The following TTC12 variants were observed in gnomAD, a reference collection of about 807,000 sequenced individuals.
TTC12 encodes tetratricopeptide repeat domain 12, also known as tetratricopeptide repeat protein 12.
Under a neutral mutation model 90.1 loss-of-function variants are expected in TTC12, and 70 were observed. That is an observed-to-expected ratio of 0.78 (90% CI 0.64 to 0.95). The LOEUF (loss-of-function observed/expected upper bound fraction) is 0.95, where lower values mean the gene tolerates loss of function less well. Ranked by LOEUF, TTC12 falls within the 40% of genes least tolerant of loss-of-function variation. The probability of loss-of-function intolerance (pLI) is 0.00; values close to 1 mark genes in which losing one functional copy is unlikely to be tolerated. For missense variants in TTC12, 819 were observed against 846.1 expected, an observed-to-expected ratio of 0.97 and a Z score of 0.40; for synonymous variants, 296 against 311.5, an observed-to-expected ratio of 0.95 and a Z score of 0.53.
intron 8 of TTC12, 86 bp downstream of exon 8, chr11:113,335,123 G>C: frequency 5.1e-6 from 5 of 983,208 alleles, no homozygotes; most frequent in Non-Finnish European, 8.1e-6. Flanking sequence ...GATTCTCCAA[G>C]CTGATTAGGT....
chr11:113,345,691 G>T (rs1948912471), intron 13 of TTC12, among the ~76,000 whole-genome samples: 1 of 152,222 alleles, frequency 6.6e-6, no homozygotes, highest in Admixed American at 6.5e-5. Flanking sequence ...GATGCAGATT[G>T]TTAGTGGAGT....
chr11:113,336,373 G>GT (rs1350713402), intron 8 of TTC12, among the ~76,000 whole-genome samples: 3 of 152,116 alleles, frequency 2.0e-5, no homozygotes, highest in African/African-American at 7.2e-5. Context: ...GCACAAAAAT[G>GT]TTTAAGTTTG....
chr11:113,358,825 G>T (rs1317154148), intron 16 of TTC12, among the ~76,000 whole-genome samples: 1 of 152,124 alleles, frequency 6.6e-6, no homozygotes, highest in Non-Finnish European at 1.5e-5. Context: ...GTTGCTCTTT[G>T]CCAGTTCAAC....
chr11:113,357,444 A>G (rs531471893), intron 16 of TTC12, among the ~76,000 whole-genome samples: 2 of 152,052 alleles, frequency 1.3e-5, no homozygotes, highest in African/African-American at 2.4e-5. Context: ...CAGCCATGTC[A>G]GCCTGGTTTA....
intron 16 of TTC12, among the ~76,000 whole-genome samples, chr11:113,357,112 T>C (rs1375205129): frequency 6.6e-6 from 1 of 152,232 alleles, no homozygotes; most frequent in Non-Finnish European, 1.5e-5. Flanking sequence ...CTCAGAGGTT[T>C]TTCTCATTCC....
At chr11:113,320,329 C>T (rs543531403) in intron 2 of TTC12, among the ~76,000 whole-genome samples, 1 of 152,240 alleles carries the variant, frequency 6.6e-6, no homozygotes, top group Admixed American at 6.5e-5. Context: ...CTCTGAACCC[C>T]AGGCTCCAGA....
chr11:113,324,230 A>T (rs1016860375), intron 4 of TTC12: 1 of 554,802 alleles, frequency 1.8e-6, no homozygotes, highest in Admixed American at 3.5e-5. Flanking sequence ...TGTAAACTCA[A>T]TTCAGTTATT....
chr11:113,325,488 G>C, intron 5 of TTC12, 36 bp from the exon 6 acceptor site: 1 of 1,610,318 alleles, frequency 6.2e-7, no homozygotes, highest in Non-Finnish European at 8.5e-7. Context: ...TCTGATGTGT[G>C]GTGAGAGCTC....
intron 20 of TTC12, 30 bp from the exon 21 acceptor site, chr11:113,364,805 G>A (rs761483596): frequency 6.3e-7 from 1 of 1,592,962 alleles, no homozygotes; most frequent in South Asian, 1.1e-5. Flanking sequence ...ATTAAAAGGA[G>A]CTGTTGCTTG....
At chr11:113,368,329 A>T (rs1446988050), downstream of TTC12, 7 of 1,546,716 alleles carry the variant, frequency 4.5e-6, no homozygotes, top group East Asian at 1.7e-4. Flanking sequence ...ACCGCCCCAA[A>T]CTTGTTACCC....
intron 15 of TTC12, among the ~76,000 whole-genome samples, chr11:113,351,595 G>A (rs898215354): frequency 2.0e-5 from 3 of 152,184 alleles, no homozygotes; most frequent in Admixed American, 1.3e-4. Context: ...CACTAAGTAC[G>A]ACGTGCAACC....
In TTC12 at chr11:113,323,345, T is replaced by G; in HGVS notation, c.116T>G (p.Leu39Arg). 6.2e-7 allele frequency: 1 copy of G among 1,613,094 alleles called. No homozygotes were observed. Among genetic ancestry groups the G allele is most frequent in the African/African-American group, 1.3e-5 (1 of 74,996 alleles). Residue 39 changes from leucine (L) to arginine (R), a missense_variant, in exon 3 of 22, where the codon CTG (leucine) becomes CGG (arginine). Physicochemically the swap from Leu to Arg is moderately radical, Grantham distance 102 (BLOSUM62 -2). Transcript: ENST00000529221. ...DDPVVQQKAV[L>R]ETEKRLLLME... ...CCAGTTGTGCAACAGAAAGCTGTCC[T>G]GGAGACAGAAAAGAGACTACTGCTT...
intron 12 of TTC12, 136 bp downstream of exon 12, chr11:113,342,061 A>G: frequency 1.4e-6 from 1 of 731,642 alleles, no homozygotes; most frequent in South Asian, 1.6e-5. Context: ...CACTCCCTCC[A>G]GGAAAGCTTA....
Position 113,338,851 on chromosome 11 carries a change from T to A in TTC12, c.637+17T>A. The A allele has an allele frequency of 6.2e-7, 1 of 1,612,726 alleles. No homozygotes were observed. The highest frequency in any genetic ancestry group is 8.5e-7 in the Non-Finnish European group (1 of 1,178,744). On this transcript the variant is annotated intron_variant, in intron 9 of 21. Coordinates refer to ENST00000529221, the MANE Select transcript of TTC12 (RefSeq NM_017868.4). Reference sequence around the variant, plus strand: ...AGGTGAAAGGTGAGCACGTTCCTGCTGAGGTCCTTCATCTGAACTCCACCT... The same window carrying A: ...AGGTGAAAGGTGAGCACGTTCCTGCAGAGGTCCTTCATCTGAACTCCACCT...
At position 113,359,579 on chromosome 11, in the gene TTC12, T is replaced by A. The variant is rs2138066284; in HGVS notation, c.1545+118T>A. 3 of 733,128 alleles carry A rather than the reference T, an allele frequency of 4.1e-6. No homozygotes were observed. In the East Asian group the frequency reaches 7.5e-5, roughly 18 times the overall value. The allele number at this position is 733,128 out of a possible 1,614,324, so 45.4% of individuals were successfully genotyped here. A position where few individuals can be genotyped will look rare whatever the true frequency, so the allele number is the denominator to read the frequency against. On this transcript the variant is annotated intron_variant, in intron 17 of 21. Transcript: ENST00000529221. ...AGCATGTACACTCACACACTGGCCG[T>A]GGAATGGGAAAAGGCTGGAGGGATG...
At chr11:113,332,146 A>G (rs551678641) in intron 7 of TTC12, among the ~76,000 whole-genome samples, 79 of 152,240 alleles carry the variant, frequency 5.2e-4, no homozygotes, top group Non-Finnish European at 9.6e-4. Flanking sequence ...GCTGGTTTCA[A>G]TTAGGACCAG....
chr11:113,366,388 C>A, downstream of TTC12: 1 of 1,583,140 alleles, frequency 6.3e-7, no homozygotes, highest in South Asian at 1.1e-5. Flanking sequence ...GATGTATCCA[C>A]TTCAGAATCA....
At chr11:113,366,447 G>A, downstream of TTC12, 1 of 1,440,788 alleles carries the variant, frequency 6.9e-7, no homozygotes, top group Non-Finnish European at 9.2e-7. Context: ...CGGGTAACAA[G>A]AGAGTGGGCA....
At position 113,344,345 on chromosome 11, in the gene TTC12, C is replaced by A; in HGVS notation, c.1059C>A (p.Val353=). ...RLLAALLSSK[V]LAIRQQSFAL... The stretch of plus-strand genomic sequence containing the variant: ...TGGCCGCCCTCTTGTCCTCCAAGGT[C>A]CTGGCCATCCGGCAGCAGAGCTTTG... The change falls in exon 13 of 22, where the codon GTC becomes GTA. Residue 353 remains valine, a synonymous_variant. Transcript: ENST00000529221. The A allele has an allele frequency of 6.2e-7, 1 of 1,614,224 alleles. No homozygotes were observed. Among genetic ancestry groups the A allele is most frequent in the Non-Finnish European group, 8.5e-7 (1 of 1,180,032 alleles).
Sources: gnomAD v4.1 joint callset for allele counts (sites outside exome capture counted in the v4.1 genomes callset) on GRCh38, gnomAD v4.1.1 for gene constraint, MANE v1.5 for transcripts, NCBI Gene and HGNC (gene_info 2026-07-23, HGNC 2026-07-21) for gene names.